SYN3: variants seen among roughly 807,000 people sequenced by gnomAD.
The protein encoded by SYN3 is synapsin-3.
SYN3 carries 35 observed loss-of-function variants against 65.8 expected under a neutral mutation model. The ratio of observed to expected loss-of-function variants is 0.53; its 90% CI spans 0.41 to 0.70. The LOEUF (loss-of-function observed/expected upper bound fraction) is 0.70. SYN3 is among the 30% of genes least tolerant of loss of function. SYN3 has a pLI of 0.00. For missense variants in SYN3, 680 were observed against 749.0 expected, an observed-to-expected ratio of 0.91 and a Z score of 1.08; for synonymous variants, 270 against 292.9, an observed-to-expected ratio of 0.92 and a Z score of 0.80.
At position 32,891,454 on chromosome 22, in the gene SYN3, A is replaced by G. The variant is rs563920466; in HGVS notation, c.462-22329T>C. Among the ~76,000 whole-genome samples, 3 of 152,202 alleles carry G rather than the reference A, an allele frequency of 2.0e-5. No homozygotes were observed. In the East Asian group the frequency reaches 5.8e-4, roughly 30 times the overall value. On this transcript the variant is annotated intron_variant, in intron 4 of 13. Transcript: ENST00000358763. ...GGTCTTCCCACATCCCACTCCAGCC[A>G]CTGAGTGATTCCCTCTTCTCTGTAA...
intron 6 of SYN3, among the ~76,000 whole-genome samples, chr22:32,630,951 A>G (rs2059738614): frequency 6.6e-6 from 1 of 152,072 alleles, no homozygotes; most frequent in Non-Finnish European, 1.5e-5. Flanking sequence ...TTTAACAGCA[A>G]CTCGGATTCC....
At chr22:32,808,208 A>C (rs1415112878) in intron 6 of SYN3, among the ~76,000 whole-genome samples, 1 of 152,198 alleles carries the variant, frequency 6.6e-6, no homozygotes, top group Non-Finnish European at 1.5e-5. Context: ...GAGGACTTAC[A>C]TGGACTCAGG....
intron 7 of SYN3, among the ~76,000 whole-genome samples, chr22:32,548,656 G>A (rs141652014): frequency 0.069 from 10,572 of 152,258 alleles, 412 homozygotes; most frequent in East Asian, 0.12. Context: ...ACAGGCGTGA[G>A]CCACCGTGCC....
chr22:32,648,574 G>A lies in SYN3; in HGVS notation c.712-51838C>T, dbSNP rs142405002. Among the ~76,000 whole-genome samples, 420 of 152,340 alleles carry A rather than the reference G, an allele frequency of 2.8e-3. 2 individuals are homozygous for A. The highest frequency in any genetic ancestry group is 9.4e-3 in the African/African-American group (390 of 41,572). ...TTAGTAGTTTAATGGAAAGAGCACA[G>A]CATTGGTTAGAAATATCTGCATTTG... On this transcript the variant is annotated intron_variant, in intron 6 of 13. Transcript: ENST00000358763.
intron 6 of SYN3, among the ~76,000 whole-genome samples, chr22:32,766,845 C>T (rs5749504): frequency 0.78 from 119,278 of 152,136 alleles, 47,595 homozygotes; most frequent in African/African-American, 0.94. Flanking sequence ...AGACAGATTC[C>T]AGCTGAATGC....
At position 32,699,925 on chromosome 22, in the gene SYN3, A is replaced by G. The variant is rs190114683; in HGVS notation, c.712-103189T>C. 7.2e-5 allele frequency among the ~76,000 whole-genome samples: 11 copies of G among 152,294 alleles called. No individual in the cohort carries two copies. In the East Asian group the frequency reaches 2.1e-3, roughly 29 times the overall value. On this transcript the variant is annotated intron_variant, in intron 6 of 13. Coordinates refer to ENST00000358763, the MANE Select transcript of SYN3 (RefSeq NM_003490.4). ...CTCTGAATGTAATAAATAGAAGAGC[A>G]CTTTGAGGTCATCGAATCCAATCTT...
At chr22:32,786,461 C>T (rs970412439) in intron 6 of SYN3, among the ~76,000 whole-genome samples, 2 of 151,870 alleles carry the variant, frequency 1.3e-5, no homozygotes, top group Admixed American at 6.6e-5. Context: ...CTCCCGGGTT[C>T]ACACCATTCT....
In SYN3 at chr22:32,801,272, C is replaced by T. The variant is rs368744163; in HGVS notation, c.711+63643G>A. On this transcript the variant is annotated intron_variant, in intron 6 of 13. Coordinates refer to ENST00000358763, the MANE Select transcript of SYN3 (RefSeq NM_003490.4). The surrounding 1 kb of genome is among the most constrained non-coding windows in gnomAD (Gnocchi z 4.7). ...GCAGTTAGCATTCCCCCGCTGGTTC[C>T]ACCAAGCACAGTCAAGGTCTCTAGG... 1.1e-4 allele frequency among the ~76,000 whole-genome samples: 17 copies of T among 152,360 alleles called. No individual in the cohort carries two copies. The highest frequency in any genetic ancestry group is 4.1e-4 in the African/African-American group (17 of 41,592).
chr22:32,813,237 A>G (rs1451679360), intron 6 of SYN3, among the ~76,000 whole-genome samples: 2 of 152,170 alleles, frequency 1.3e-5, no homozygotes, highest in Non-Finnish European at 2.9e-5. Context: ...TGATTTCTTT[A>G]TTATAAGACA....
At chr22:33,020,287 T>C (rs2053539051) in intron 1 of SYN3, among the ~76,000 whole-genome samples, 1 of 152,222 alleles carries the variant, frequency 6.6e-6, no homozygotes, top group Non-Finnish European at 1.5e-5. Flanking sequence ...CCTGTACCTC[T>C]TTCAAAACCC....
intron 3 of SYN3, among the ~76,000 whole-genome samples, chr22:32,958,619 C>T (rs2051542884): frequency 6.6e-6 from 1 of 152,150 alleles, no homozygotes; most frequent in South Asian, 2.1e-4. Flanking sequence ...TTAGCACTTA[C>T]TATGTGCCAG....
chr22:32,791,304 G>C (rs117796702), intron 6 of SYN3, among the ~76,000 whole-genome samples: 45 of 152,266 alleles, frequency 3.0e-4, no homozygotes, highest in African/African-American at 1.1e-3. Context: ...TTCAATTTAC[G>C]CTTAGAGAGC....
chr22:32,803,096 C>T, intron 6 of SYN3, among the ~76,000 whole-genome samples: 1 of 152,182 alleles, frequency 6.6e-6, no homozygotes, highest in African/African-American at 2.4e-5. Flanking sequence ...TGGGAAACAT[C>T]TCTCTCCTCC....
At chr22:32,720,245 T>G (rs959577892) in intron 6 of SYN3, among the ~76,000 whole-genome samples, 2 of 152,220 alleles carry the variant, frequency 1.3e-5, no homozygotes, top group Non-Finnish European at 2.9e-5. Context: ...GAGTCCAACC[T>G]GGGTTTGTCT....
chr22:32,826,247 G>A (rs2047408676), intron 6 of SYN3, among the ~76,000 whole-genome samples: 1 of 152,142 alleles, frequency 6.6e-6, no homozygotes, highest in Non-Finnish European at 1.5e-5. Flanking sequence ...TGGTCAACAT[G>A]GTGAAACTCC....
At chr22:32,602,431 C>T (rs1331283058) in intron 6 of SYN3, among the ~76,000 whole-genome samples, 3 of 150,006 alleles carry the variant, frequency 2.0e-5, no homozygotes, top group Non-Finnish European at 2.9e-5. Flanking sequence ...AGTTCTATCC[C>T]GATAGTTTTT....
intron 6 of SYN3, among the ~76,000 whole-genome samples, chr22:32,855,194 C>T (rs2048330733): frequency 6.6e-6 from 1 of 152,186 alleles, no homozygotes; most frequent in African/African-American, 2.4e-5. Context: ...CTTGGTGCCC[C>T]ACCGCCCCCG....
rs1237739986 is a variant in SYN3, at chr22:32,837,044, T to C, written c.711+27871A>G. On this transcript the variant is annotated intron_variant, in intron 6 of 13. Transcript: ENST00000358763. The surrounding 1 kb of genome is among the most constrained non-coding windows in gnomAD (Gnocchi z 4.1). ...AATGGTGGACTTGCTCCTAGGCCTA[T>C]CCCAGAGTCCCTCAGCTCTCCTAGC... Among the ~76,000 whole-genome samples the C allele has an allele frequency of 6.6e-6, 1 of 152,150 alleles. No homozygotes were observed. The highest frequency in any genetic ancestry group is 1.5e-5 in the Non-Finnish European group (1 of 68,032).
chr22:32,691,622 G>A (rs892429375), intron 6 of SYN3, among the ~76,000 whole-genome samples: 1 of 152,026 alleles, frequency 6.6e-6, no homozygotes, highest in Admixed American at 6.6e-5. Flanking sequence ...CTTTGCAGGG[G>A]GTACTCCAGA....
Sources: gnomAD v4.1 joint callset for allele counts (sites outside exome capture counted in the v4.1 genomes callset) on GRCh38, gnomAD v4.1.1 for gene constraint, Gnocchi (gnomAD v3.1) non-coding constraint, MANE v1.5 for transcripts, NCBI Gene and HGNC (gene_info 2026-07-23, HGNC 2026-07-21) for gene names.